The following SRRM4 variants were observed in gnomAD, a reference collection of about 807,000 sequenced individuals.
SRRM4 encodes serine/arginine repetitive matrix protein 4.
In SRRM4, 33 loss-of-function variants were observed where a neutral mutation model predicts 68.9. That is an observed-to-expected ratio of 0.48 (90% CI 0.36 to 0.64). The LOEUF is 0.64. Among genes scored for constraint, SRRM4 ranks in the 30% least tolerant of loss-of-function variants. The pLI, the probability that SRRM4 is intolerant of heterozygous loss-of-function variation, is 0.00. For missense variants in SRRM4, 817 were observed against 827.1 expected (o/e 0.99, Z 0.15); for synonymous variants, 318 against 318.8 (o/e 1.00, Z 0.03).
chr12:119,121,183 C>T (rs1027923491), intron 5 of SRRM4, among the ~76,000 whole-genome samples: 2 of 152,196 alleles, frequency 1.3e-5, no homozygotes, highest in South Asian at 4.1e-4. Context: ...GTCCTGGGCT[C>T]TCCCACTGCC....
intron 1 of SRRM4, among the ~76,000 whole-genome samples, chr12:119,006,929 T>C (rs1953420020): frequency 6.6e-6 from 1 of 152,202 alleles, no homozygotes; most frequent in Non-Finnish European, 1.5e-5. Context: ...CTCCGAGCTG[T>C]GTGGGCTGGG....
chr12:119,031,606 T>C (rs1953590357), intron 1 of SRRM4, among the ~76,000 whole-genome samples: 1 of 152,212 alleles, frequency 6.6e-6, no homozygotes, highest in African/African-American at 2.4e-5. Context: ...AATTGACCCC[T>C]GGGATAGCCA....
chr12:119,056,487 C>T (rs900270014), intron 1 of SRRM4, among the ~76,000 whole-genome samples: 1 of 152,214 alleles, frequency 6.6e-6, no homozygotes, highest in African/African-American at 2.4e-5. Flanking sequence ...TTCTGTCTCA[C>T]TTGGAATCTC....
intron 2 of SRRM4, among the ~76,000 whole-genome samples, chr12:119,104,936 A>G (rs1042216537): frequency 6.6e-5 from 10 of 150,676 alleles, no homozygotes; most frequent in African/African-American, 9.7e-5. Flanking sequence ...CGTCATTTAC[A>G]TTAGGTATAT....
In SRRM4 at chr12:119,045,062, G is replaced by A. The variant is rs562597294; in HGVS notation, c.132-57174G>A. On this transcript the variant is annotated intron_variant, in intron 1 of 12. Coordinates refer to ENST00000267260, the MANE Select transcript of SRRM4 (RefSeq NM_194286.4). ...AAGTACTTAGAACAGGGTCTGACCC[G>A]TAGAAGGTGTTAGAGACATGGTAGC... Among the ~76,000 whole-genome samples, 22 of 152,334 alleles carry A rather than the reference G, an allele frequency of 1.4e-4. No individual in the cohort carries two copies. The East Asian group carries it at 3.1e-3, about 21-fold the overall frequency.
chr12:119,073,060 G>A (rs1429244835), intron 1 of SRRM4, among the ~76,000 whole-genome samples: 1 of 150,152 alleles, frequency 6.7e-6, no homozygotes, highest in Non-Finnish European at 1.5e-5. Context: ...GAGTGAGCAG[G>A]CAAGACAAGA....
intron 7 of SRRM4, among the ~76,000 whole-genome samples, chr12:119,130,408 CAGATGGATGGAT>C (rs1320191546): frequency 8.0e-5 from 5 of 62,216 alleles, no homozygotes; most frequent in African/African-American, 2.5e-4. Flanking sequence ...GTTGCTTAGA[CAGATGGATGGAT>C]GGATGGATGG....
intron 4 of SRRM4, 78 bp from the exon 5 acceptor site, chr12:119,120,172 T>C: frequency 3.2e-6 from 3 of 933,824 alleles, no homozygotes; most frequent in Non-Finnish European, 4.8e-6. Context: ...TCTCTCCATC[T>C]CTCTCTCTCT....
intron 1 of SRRM4, among the ~76,000 whole-genome samples, chr12:119,087,031 T>C (rs1195270271): frequency 6.6e-6 from 1 of 152,208 alleles, no homozygotes; most frequent in African/African-American, 2.4e-5. Flanking sequence ...TCCCATGGTG[T>C]CCACCCCAAG....
intron 1 of SRRM4, among the ~76,000 whole-genome samples, chr12:119,026,986 G>C (rs1953552872): frequency 6.6e-6 from 1 of 152,164 alleles, no homozygotes. Context: ...CTGCTCAAGA[G>C]GCTTTGGGGA....
chr12:119,110,553 C>T (rs548679601), intron 2 of SRRM4, among the ~76,000 whole-genome samples: 26 of 152,320 alleles, frequency 1.7e-4, no homozygotes, highest in Admixed American at 1.1e-3. Context: ...GCCTCGCTGC[C>T]GCCTTGCAGT....
At chr12:119,056,872 T>C (rs1350571381) in intron 1 of SRRM4, among the ~76,000 whole-genome samples, 1 of 152,230 alleles carries the variant, frequency 6.6e-6, no homozygotes, top group Non-Finnish European at 1.5e-5. Flanking sequence ...AACTCCATTA[T>C]AGCAGAGACC....
At chr12:119,083,446 G>A (rs1953961543) in intron 1 of SRRM4, among the ~76,000 whole-genome samples, 1 of 151,994 alleles carries the variant, frequency 6.6e-6, no homozygotes, top group Non-Finnish European at 1.5e-5. Context: ...GGGAGCTGGT[G>A]GATAAATATC....
intron 7 of SRRM4, among the ~76,000 whole-genome samples, chr12:119,127,797 G>A (rs1040911969): frequency 6.6e-6 from 1 of 151,962 alleles, no homozygotes; most frequent in African/African-American, 2.4e-5. Context: ...GGGAGAAGGA[G>A]AAAGAGGAGG....
chr12:119,045,967 G>T (rs11611295), intron 1 of SRRM4, among the ~76,000 whole-genome samples: 1 of 151,922 alleles, frequency 6.6e-6, no homozygotes, highest in Admixed American at 6.5e-5. Context: ...GAACCCGGGA[G>T]GCAGAGGTTG....
At chr12:119,039,511 C>A (rs115863517) in intron 1 of SRRM4, among the ~76,000 whole-genome samples, 314 of 152,290 alleles carry the variant, frequency 2.1e-3, no homozygotes, top group African/African-American at 7.3e-3. Flanking sequence ...GTAAATCACT[C>A]ATCACTTCAA....
intron 6 of SRRM4, among the ~76,000 whole-genome samples, chr12:119,124,005 A>G (rs1413958250): frequency 1.3e-5 from 2 of 152,186 alleles, no homozygotes; most frequent in Non-Finnish European, 1.5e-5. Flanking sequence ...ATGGGAAGTA[A>G]CCATTCCAGG....
chr12:118,991,312 T>A (rs2135989364), intron 1 of SRRM4, among the ~76,000 whole-genome samples: 1 of 152,326 alleles, frequency 6.6e-6, no homozygotes, highest in Admixed American at 6.5e-5. Context: ...GGAAAGCTCT[T>A]CCTCTCCCCT....
At chr12:118,983,280 T>C (rs900406203) in intron 1 of SRRM4, among the ~76,000 whole-genome samples, 18 of 152,134 alleles carry the variant, frequency 1.2e-4, no homozygotes, top group African/African-American at 4.3e-4. Context: ...AGGTGTCCCA[T>C]TTAGGAATGG....
Sources: allele counts gnomAD v4.1 joint callset (sites outside exome capture counted in the v4.1 genomes callset), GRCh38; gene constraint gnomAD v4.1.1; transcripts MANE v1.5; gene names NCBI Gene and HGNC (gene_info 2026-07-23, HGNC 2026-07-21).